Variants in TRAPPC9 observed in about 807,000 individuals in gnomAD.
The protein encoded by TRAPPC9 is trafficking protein particle complex subunit 9.
In TRAPPC9, 83 loss-of-function variants were observed where a neutral mutation model predicts 124.0. That is an observed-to-expected ratio of 0.67 (90% CI 0.56 to 0.80). The LOEUF (loss-of-function observed/expected upper bound fraction) is 0.80. Among genes scored for constraint, TRAPPC9 ranks in the 30% least tolerant of loss-of-function variants. TRAPPC9 has a pLI of 0.00. For synonymous variants in TRAPPC9, 638 were observed against 617.5 expected (o/e 1.03, Z -0.49); for missense variants, 1,302 against 1,508.3 (o/e 0.86, Z 2.27).
At chr8:140,360,548 C>A (rs1183926794) in intron 8 of TRAPPC9, among the ~76,000 whole-genome samples, 2 of 151,818 alleles carry the variant, frequency 1.3e-5, no homozygotes, top group African/African-American at 4.8e-5. Context: ...TTTGAAGGGC[C>A]TTCATTATCA....
rs113577132 is a variant in TRAPPC9, at chr8:140,364,113, T to A, written c.1352-3920A>T. ...GAGGCAGGAAGGACAGGGAAGAGTG[T>A]CCCCGAAGGAGGCAAGAGGCATCAG... On this transcript the variant is annotated intron_variant, in intron 8 of 22. Coordinates refer to ENST00000438773, the MANE Select transcript of TRAPPC9 (RefSeq NM_001160372.4). 9.4e-4 allele frequency among the ~76,000 whole-genome samples: 143 copies of A among 151,718 alleles called. 2 individuals carry two copies. The highest frequency in any genetic ancestry group is 3.4e-3 in the African/African-American group (140 of 41,354).
chr8:139,768,253 A>G (rs1218130853), intron 21 of TRAPPC9, among the ~76,000 whole-genome samples: 2 of 152,262 alleles, frequency 1.3e-5, no homozygotes, highest in Non-Finnish European at 2.9e-5. Flanking sequence ...AGAAATACAT[A>G]AAGGAGGCAG....
intron 10 of TRAPPC9, among the ~76,000 whole-genome samples, chr8:140,307,182 G>A (rs561264798): frequency 1.7e-4 from 26 of 152,242 alleles, no homozygotes; most frequent in African/African-American, 2.4e-5. Flanking sequence ...CTCTTTTCCT[G>A]GACACAGTAG....
At chr8:140,420,693 G>T (rs2070170697) in intron 5 of TRAPPC9, among the ~76,000 whole-genome samples, 1 of 151,356 alleles carries the variant, frequency 6.6e-6, no homozygotes, top group Non-Finnish European at 1.5e-5. Context: ...CACACCTACT[G>T]CTTAAAAAAA....
At chr8:139,965,742 A>G (rs587774214) in intron 19 of TRAPPC9, among the ~76,000 whole-genome samples, 2,929 of 152,360 alleles carry the variant, frequency 0.019, 99 homozygotes, top group African/African-American at 0.067. Flanking sequence ...AATTACTTTT[A>G]AAAAGCAGAG....
chr8:139,745,233 G>C (rs1368037597), intron 21 of TRAPPC9, among the ~76,000 whole-genome samples: 1 of 152,246 alleles, frequency 6.6e-6, no homozygotes, highest in Non-Finnish European at 1.5e-5. Context: ...TTATGGCTTG[G>C]ATGTGAGATG....
At chr8:140,156,274 A>C (rs4736143) in intron 17 of TRAPPC9, among the ~76,000 whole-genome samples, 2 of 151,980 alleles carry the variant, frequency 1.3e-5, no homozygotes, top group Non-Finnish European at 2.9e-5. Flanking sequence ...AAGGTGACGG[A>C]AGCATTCAAT....
At chr8:139,794,089 A>G (rs1163678771) in intron 21 of TRAPPC9, among the ~76,000 whole-genome samples, 1 of 104,180 alleles carries the variant, frequency 9.6e-6, no homozygotes, top group Admixed American at 9.9e-5. Context: ...CCTGTCCCCC[A>G]CCCTGCTCTG....
intron 21 of TRAPPC9, among the ~76,000 whole-genome samples, chr8:139,735,511 C>T (rs551742306): frequency 2.6e-5 from 4 of 152,260 alleles, no homozygotes; most frequent in Middle Eastern, 3.4e-3. Flanking sequence ...AACAGTGAAC[C>T]GAACCAGGCG....
At position 139,728,464 on chromosome 8, in the gene TRAPPC9, T is replaced by G. The variant is rs1334673912; in HGVS notation, c.*2597A>C. ...CCAGGTAGCCAGTAGCGTGGGGCCC[T>G]GGAAGAGGCTGGAGGATACTGCGCT... On this transcript the variant is annotated 3_prime_UTR_variant, in exon 23 of 23. Transcript: ENST00000438773. Among the ~76,000 whole-genome samples the G allele has an allele frequency of 6.6e-6, 1 of 152,186 alleles. No individual in the cohort carries two copies. The highest frequency in any genetic ancestry group is 2.4e-5 in the African/African-American group (1 of 41,440).
chr8:140,008,876 T>C (rs1159750234), intron 18 of TRAPPC9, among the ~76,000 whole-genome samples: 1 of 152,268 alleles, frequency 6.6e-6, no homozygotes, highest in African/African-American at 2.4e-5. Flanking sequence ...GAAGAGTTTA[T>C]ATCCCAGTAG....
chr8:139,776,586 T>C lies in TRAPPC9; in HGVS notation c.3056-44384A>G, dbSNP rs1821398818. Among the ~76,000 whole-genome samples, 1 of 152,178 alleles carries C rather than the reference T, an allele frequency of 6.6e-6. No individual in the cohort carries two copies. Among genetic ancestry groups the C allele is most frequent in the South Asian group, 2.1e-4 (1 of 4,826 alleles). On this transcript the variant is annotated intron_variant, in intron 21 of 22. Coordinates refer to ENST00000438773, the MANE Select transcript of TRAPPC9 (RefSeq NM_001160372.4). The surrounding 1 kb of genome is among the most constrained non-coding windows in gnomAD (Gnocchi z 4.1). ...CCAGGCCTCATTCGCAGCTGTGTTC[T>C]GAACCTGGACTCCGCCACATGGCTC...
At chr8:140,200,439 GA>G (rs1272143448) in intron 17 of TRAPPC9, among the ~76,000 whole-genome samples, 1 of 152,082 alleles carries the variant, frequency 6.6e-6, no homozygotes, top group Non-Finnish European at 1.5e-5. Flanking sequence ...AGAGAATATA[GA>G]AAGGGGACCA....
rs187185121 is a variant in TRAPPC9, at chr8:140,044,765, G to A, written c.2557-20686C>T. Among the ~76,000 whole-genome samples the A allele has an allele frequency of 1.7e-3, 257 of 152,314 alleles. 1 individual carries two copies. The highest frequency in any genetic ancestry group is 6.8e-3 in the South Asian group (33 of 4,818). ...TTATAAATGGAAACCTTATAGTCCC[G>A]CAGATGCTCTTTATTTTTCCTAATG... On this transcript the variant is annotated intron_variant, in intron 17 of 22. Transcript: ENST00000438773.
chr8:139,784,573 C>CAAATAAATAAATAAAT (rs571905487), intron 21 of TRAPPC9, among the ~76,000 whole-genome samples: 1 of 112,090 alleles, frequency 8.9e-6, no homozygotes, highest in African/African-American at 3.4e-5. Flanking sequence ...GACTCCATGT[C>CAAATAAATAAATAAAT]AAATAAATAA....
Position 139,732,073 on chromosome 8 carries a change from A to T in TRAPPC9, c.3185T>A (p.Val1062Glu), listed in dbSNP as rs1416718911. The T allele has an allele frequency of 6.2e-7, 1 of 1,605,866 alleles. No individual in the cohort carries two copies. Among genetic ancestry groups the T allele is most frequent in the East Asian group, 2.2e-5 (1 of 44,514 alleles). Reference sequence around the variant, plus strand: ...GTTCTGGTGGTCCTGGAAGGGGACCACAGTGAGGGCGAAGGGCCCTACGCT... The same window carrying T: ...GTTCTGGTGGTCCTGGAAGGGGACCTCAGTGAGGGCGAAGGGCCCTACGCT... ...PRSVGPFALT[V>E]VPFQDHQNGV... Residue 1062 changes from valine (V) to glutamate (E), a missense_variant, in exon 22 of 23, where the codon GTG becomes GAG. This residue lies in a region of TRAPPC9 where 640 missense variants were observed against 679.3 expected (regional missense o/e 0.94). Transcript: ENST00000438773.
intron 18 of TRAPPC9, among the ~76,000 whole-genome samples, chr8:140,011,215 G>A (rs762185767): frequency 2.4e-4 from 36 of 151,738 alleles, no homozygotes; most frequent in African/African-American, 7.3e-4. Context: ...TGAGGCAGGC[G>A]CCTGTAATCC....
At chr8:140,046,904 G>A (rs1841633028) in intron 17 of TRAPPC9, among the ~76,000 whole-genome samples, 1 of 152,210 alleles carries the variant, frequency 6.6e-6, no homozygotes, top group Non-Finnish European at 1.5e-5. Flanking sequence ...TTCTTCATCT[G>A]TAAAATGGGA....
rs138610995 is a variant in TRAPPC9 at position 140,364,211 on chromosome 8, A to G, written c.1352-4018T>C. On this transcript the variant is annotated intron_variant, in intron 8 of 22. Transcript: ENST00000438773. ...GGGACAGGAAAAAAAGAAAATGAAG[A>G]CCACTCCTAAGATAACTTGCATAGA... Among the ~76,000 whole-genome samples, 1,152 of 143,732 alleles carry G rather than the reference A, an allele frequency of 8.0e-3. 5 individuals are homozygous for G. The highest frequency in any genetic ancestry group is 0.048 in the Middle Eastern group (13 of 270). The allele number at this position is 143,732 out of a possible 152,430, so 94.3% of individuals were successfully genotyped here. A position where few individuals can be genotyped will look rare whatever the true frequency, so the allele number is the denominator to read the frequency against.
Sources: allele counts gnomAD v4.1 joint callset (sites outside exome capture counted in the v4.1 genomes callset), GRCh38; gene constraint gnomAD v4.1.1; regional missense constraint gnomAD v4.1.1; non-coding constraint Gnocchi (gnomAD v3.1); transcripts MANE v1.5; gene names NCBI Gene and HGNC (gene_info 2026-07-23, HGNC 2026-07-21).